Variants in SEC61A1 observed in about 807,000 individuals in gnomAD.
SEC61A1 encodes the protein protein transport protein Sec61 subunit alpha isoform 1.
SEC61A1 carries 15 observed loss-of-function variants against 55.2 expected under a neutral mutation model. That is an observed-to-expected ratio of 0.27 (90% CI 0.18 to 0.42). The LOEUF is 0.42. SEC61A1 is among the 10% of genes least tolerant of loss of function. The pLI, the probability that SEC61A1 is intolerant of heterozygous loss-of-function variation, is 1.00. For missense variants in SEC61A1, 284 were observed against 602.6 expected (o/e 0.47, Z 5.53); for synonymous variants, 247 against 234.0 (o/e 1.06, Z -0.51).
At chr3:128,059,932 T>C (rs1263116928) in intron 5 of SEC61A1, among the ~76,000 whole-genome samples, 170 bp from the exon 6 acceptor site, 1 of 152,344 alleles carries the variant, frequency 6.6e-6, no homozygotes, top group East Asian at 1.9e-4. Flanking sequence ...CATCATGTAC[T>C]TTGCTGATGT....
chr3:128,052,501 C>T lies in SEC61A1; in HGVS notation c.-52C>T. 1 of 1,577,170 alleles carries T rather than the reference C, an allele frequency of 6.3e-7. No homozygotes were observed. The highest frequency in any genetic ancestry group is 8.6e-7 in the Non-Finnish European group (1 of 1,163,044). ...CTGGGCCGCGGGCAGCGTCGCCTCA[C>T]GCGGAGCAGAGCTGAGCTGAAGCGG... On this transcript the variant is annotated 5_prime_UTR_variant, in exon 1 of 12. In the 5' UTR this introduces an upstream ATG that the reference lacks. Transcript: ENST00000243253.
At chr3:128,057,420 A>C (rs1941788465) in intron 5 of SEC61A1, among the ~76,000 whole-genome samples, 1 of 152,200 alleles carries the variant, frequency 6.6e-6, no homozygotes, top group South Asian at 2.1e-4. Flanking sequence ...GAAGGATCAG[A>C]GCTTGGAGGT....
chr3:128,055,450 A>C lies in SEC61A1; in HGVS notation c.76-66A>C. On this transcript the variant is annotated intron_variant, in intron 2 of 11. Transcript: ENST00000243253. ...TTTTTAGAGAAAGGGGTCTGATTGG[A>C]GTCCATTTTTATTAATTTGCTTTTC... 1.5e-5 allele frequency: 18 copies of C among 1,240,372 alleles called. No individual in the cohort carries two copies. In the South Asian group the frequency reaches 1.9e-4, roughly 13 times the overall value. 76.8% of individuals were successfully genotyped at this position (1,240,372 alleles called of 1,614,324 possible).
At position 128,067,361 on chromosome 3, in the gene SEC61A1, G is replaced by T; in HGVS notation, c.976-60G>T. 2 of 1,529,514 alleles carry T rather than the reference G, an allele frequency of 1.3e-6. No homozygotes were observed. The highest frequency in any genetic ancestry group is 1.9e-5 in the Admixed American group (1 of 51,632). 94.7% of individuals were successfully genotyped at this position (1,529,514 alleles called of 1,614,324 possible). ...CTTTCATCTGCTCAGAACTATTTTTGCCTTGATGCTAAAGTAAAATGAAGG... is the reference window on the plus strand; with the variant it reads ...CTTTCATCTGCTCAGAACTATTTTTTCCTTGATGCTAAAGTAAAATGAAGG... On this transcript the variant is annotated intron_variant, in intron 9 of 11. Transcript: ENST00000243253. This position sits in a 1 kb window ranked among gnomAD's most constrained non-coding sequence, Gnocchi z 4.1.
rs201402764 is a variant in SEC61A1 at position 128,069,667 on chromosome 3, G to A, written c.*5G>A. 43 of 1,613,542 alleles carry A rather than the reference G, an allele frequency of 2.7e-5. No homozygotes were observed. Among genetic ancestry groups the A allele is most frequent in the East Asian group, 1.1e-4 (5 of 44,904 alleles). On this transcript the variant is annotated 3_prime_UTR_variant, in exon 12 of 12. Coordinates refer to ENST00000243253, the MANE Select transcript of SEC61A1 (RefSeq NM_013336.4). ...ATGGGGGCCCTGCTCTTCTGAGCCC[G>A]TCTCCCGGACAGGTTGAGGAAGCTG...
Position 128,052,579 on chromosome 3 carries a change from C to T in SEC61A1, c.7+20C>T. On this transcript the variant is annotated intron_variant, in intron 1 of 11. Coordinates refer to ENST00000243253, the MANE Select transcript of SEC61A1 (RefSeq NM_013336.4). ...TGGCAAGTGAGTCCTGTAGGGAAGC[C>T]CTATTGAGGCCGGGACGGAACAGAT... 2 of 1,594,468 alleles carry T rather than the reference C, an allele frequency of 1.3e-6. No homozygotes were observed. Among genetic ancestry groups the T allele is most frequent in the East Asian group, 2.3e-5 (1 of 44,084 alleles).
chr3:128,060,691 C>T (rs764395525), intron 7 of SEC61A1, 30 bp downstream of exon 7: 10 of 1,598,732 alleles, frequency 6.3e-6, no homozygotes, highest in Non-Finnish European at 8.5e-6. Flanking sequence ...CTGGTGGCGA[C>T]AGCTTTCAGC....
At chr3:128,069,021 C>G (rs1415966102) in intron 11 of SEC61A1, 1 of 152,976 alleles carries the variant, frequency 6.5e-6, no homozygotes, top group African/African-American at 2.4e-5. Context: ...TATTAAGCTG[C>G]TGGATTTACA....
chr3:128,061,284 G>A (rs1160262496), intron 7 of SEC61A1, among the ~76,000 whole-genome samples: 2 of 152,226 alleles, frequency 1.3e-5, no homozygotes, highest in African/African-American at 4.8e-5. Context: ...CCTGGTAGAT[G>A]TGTATCAAAC....
intron 11 of SEC61A1, chr3:128,068,527 T>C (rs893127565): frequency 6.1e-6 from 1 of 163,120 alleles, no homozygotes; most frequent in Admixed American, 5.9e-5. Flanking sequence ...ACGGAAGGGG[T>C]TGATGTGCAT....
intron 2 of SEC61A1, among the ~76,000 whole-genome samples, chr3:128,055,035 T>A (rs1411138208): frequency 6.6e-6 from 1 of 152,216 alleles, no homozygotes; most frequent in Non-Finnish European, 1.5e-5. Context: ...GAAAATACAC[T>A]ATTGAGCAAT....
intron 2 of SEC61A1, among the ~76,000 whole-genome samples, chr3:128,053,909 G>GT (rs1253534321): frequency 6.6e-6 from 1 of 152,216 alleles, no homozygotes; most frequent in Non-Finnish European, 1.5e-5. Context: ...TCTTATGGTG[G>GT]TTTTGAAGGA....
At chr3:128,062,584 T>G (rs1941866852) in intron 7 of SEC61A1, among the ~76,000 whole-genome samples, 2 of 152,156 alleles carry the variant, frequency 1.3e-5, no homozygotes, top group Non-Finnish European at 2.9e-5. Context: ...TAGGATATGG[T>G]GTCTCTTTCA....
intron 8 of SEC61A1, 111 bp downstream of exon 8, chr3:128,065,148 A>C (rs1559797642): frequency 8.4e-7 from 1 of 1,191,454 alleles, no homozygotes; most frequent in Admixed American, 1.7e-5. Context: ...ATTGTGTTGA[A>C]ACGATGAGAT....
chr3:128,069,572 C>T lies in SEC61A1; in HGVS notation c.1341C>T (p.Ile447=). 1 of 1,614,146 alleles carries T rather than the reference C, an allele frequency of 6.2e-7. No homozygotes were observed. Residue 447 remains isoleucine (I), a synonymous_variant, in exon 12 of 12, where the codon ATC becomes ATT. Transcript: ENST00000243253. The part of the protein sequence containing the change: ...FLGAIGSGTG[I]LLAVTIIYQY... ...GCGCCATTGGGTCTGGAACCGGGAT[C>T]CTGCTCGCAGTCACAATCATCTACC...
chr3:128,060,634 A>G lies in SEC61A1; in HGVS notation c.589A>G (p.Ser197Gly). Residue 197 changes from serine to glycine, a missense_variant, in exon 7 of 12, where the codon AGC becomes GGC. Physicochemically the swap from Ser to Gly is moderately conservative, Grantham distance 56. Transcript: ENST00000243253. ...TGAAACCATCGTATGGAAGGCATTCAGCCCCACTACTGTCAACACTGGCCG... is the reference window on the plus strand; with the variant it reads ...TGAAACCATCGTATGGAAGGCATTCGGCCCCACTACTGTCAACACTGGCCG... ...ICETIVWKAF[S>G]PTTVNTGRGM... The G allele has an allele frequency of 6.2e-7, 1 of 1,614,224 alleles. No individual in the cohort carries two copies. The highest frequency in any genetic ancestry group is 8.5e-7 in the Non-Finnish European group (1 of 1,180,042).
chr3:128,053,569 C>T (rs1941723539), intron 2 of SEC61A1, among the ~76,000 whole-genome samples: 1 of 152,168 alleles, frequency 6.6e-6, no homozygotes, highest in African/African-American at 2.4e-5. Flanking sequence ...ATGTTTGTGT[C>T]CTCACATTAT....
chr3:128,052,643 C>T, intron 1 of SEC61A1, 84 bp downstream of exon 1: 2 of 1,549,418 alleles, frequency 1.3e-6, no homozygotes, highest in Non-Finnish European at 1.7e-6. Flanking sequence ...CGCCCGCCGG[C>T]CAACCCTGAC....
At chr3:128,068,139 C>A in intron 11 of SEC61A1, 80 bp downstream of exon 11, 1 of 1,029,318 alleles carries the variant, frequency 9.7e-7, no homozygotes, top group East Asian at 2.4e-5. Context: ...CCTGATAGGC[C>A]CTAGCACTTA....
Sources: allele counts gnomAD v4.1 joint callset (sites outside exome capture counted in the v4.1 genomes callset), GRCh38; gene constraint gnomAD v4.1.1; non-coding constraint Gnocchi (gnomAD v3.1); transcripts MANE v1.5; gene names NCBI Gene and HGNC (gene_info 2026-07-23, HGNC 2026-07-21).